P2RY8: variants seen among roughly 807,000 people sequenced by gnomAD.
P2RY8 encodes S-geranylgeranyl-glutathione receptor P2RY8.
In P2RY8, 6 loss-of-function variants were observed where a neutral mutation model predicts 10.0. The observed-to-expected ratio is 0.60, with a 90% CI of 0.33 to 1.19. The LOEUF (loss-of-function observed/expected upper bound fraction) is 1.19, where lower values mean the gene tolerates loss of function less well. Among genes scored for constraint, P2RY8 ranks in the 50% most tolerant of loss-of-function variants. The pLI, the probability that P2RY8 is intolerant of heterozygous loss-of-function variation, is 0.04. For synonymous variants in P2RY8, 276 were observed against 252.5 expected, an observed-to-expected ratio of 1.09 and a Z score of -0.88; for missense variants, 456 against 542.0, an observed-to-expected ratio of 0.84 and a Z score of 1.58.
At chrX:1,499,913 C>T (rs1210923905) in intron 1 of P2RY8, among the ~76,000 whole-genome samples, 2 of 151,640 alleles carry the variant, frequency 1.3e-5, no homozygotes, top group Non-Finnish European at 2.9e-5. Context: ...GGCTGGAGTG[C>T]AGTGGTGTGA....
chrX:1,488,360 G>A (rs1163280135), intron 1 of P2RY8, among the ~76,000 whole-genome samples: 5 of 152,186 alleles, frequency 3.3e-5, no homozygotes, highest in African/African-American at 1.2e-4. Context: ...CACAGATGAT[G>A]TGCTTATGCC....
chrX:1,475,307 A>G (rs1267561095), intron 1 of P2RY8, among the ~76,000 whole-genome samples: 1 of 151,788 alleles, frequency 6.6e-6, no homozygotes, highest in Non-Finnish European at 1.5e-5. Flanking sequence ...AGATGGGTGG[A>G]TGGATGAATA....
intron 1 of P2RY8, among the ~76,000 whole-genome samples, chrX:1,536,261 T>G (rs1247534002): frequency 2.6e-5 from 4 of 151,466 alleles, no homozygotes; most frequent in Non-Finnish European, 2.9e-5. Context: ...GAATGAGTTT[T>G]TTTTTGTTTT....
intron 1 of P2RY8, among the ~76,000 whole-genome samples, chrX:1,535,830 G>A (rs1422235114): frequency 2.0e-5 from 3 of 151,908 alleles, no homozygotes; most frequent in African/African-American, 7.3e-5. Context: ...GCCACAGCAG[G>A]CCTTGTTGTG....
rs2092469277 is a variant in P2RY8, at chrX:1,530,795, CTA to C, written c.-25+6124_-25+6125del. On this transcript the variant is annotated intron_variant, in intron 1 of 1. Transcript: ENST00000381297. ...TAATTTACGTATGTATCTTTTCTAT[CTA>C]TCTCTATTATCTATATATCTATCTG... Among the ~76,000 whole-genome samples the C allele has an allele frequency of 2.0e-5, 3 of 151,326 alleles. No individual in the cohort carries two copies. In the South Asian group the frequency reaches 6.4e-4, roughly 32 times the overall value.
chrX:1,500,967 C>T (rs1371467584), intron 1 of P2RY8, among the ~76,000 whole-genome samples: 3 of 152,178 alleles, frequency 2.0e-5, no homozygotes, highest in Non-Finnish European at 4.4e-5. Context: ...TTTTCCAGGC[C>T]AAGCAGCTGG....
At chrX:1,470,511 C>T (rs1343483516) in intron 1 of P2RY8, among the ~76,000 whole-genome samples, 1 of 152,048 alleles carries the variant, frequency 6.6e-6, no homozygotes, top group South Asian at 2.1e-4. Context: ...AAAAGCAAAA[C>T]TCCATCTCAA....
In P2RY8 at chrX:1,465,192, T is replaced by C; in HGVS notation, c.*287A>G. The C allele has an allele frequency of 2.0e-6, 1 of 500,614 alleles. No homozygotes were observed. Among genetic ancestry groups the C allele is most frequent in the Non-Finnish European group, 3.5e-6 (1 of 286,098 alleles). 31.0% of individuals were successfully genotyped at this position (500,614 alleles called of 1,614,324 possible). On this transcript the variant is annotated 3_prime_UTR_variant, in exon 2 of 2. Transcript: ENST00000381297. ...TAGCCGGGCGTGGTGACACAAGCTG[T>C]CCCCTGACACAGAGAGGCAGAGGCA... is the stretch of plus-strand genomic sequence containing the variant.
At chrX:1,531,839 A>G (rs1468780308) in intron 1 of P2RY8, among the ~76,000 whole-genome samples, 1 of 152,210 alleles carries the variant, frequency 6.6e-6, no homozygotes, top group Non-Finnish European at 1.5e-5. Context: ...AGGGAAATGC[A>G]AATCAAAAGC....
chrX:1,467,316 A>G (rs1449169062), intron 1 of P2RY8, among the ~76,000 whole-genome samples: 1 of 151,906 alleles, frequency 6.6e-6, no homozygotes, highest in Admixed American at 6.6e-5. Context: ...CTTCTTACCA[A>G]CTGCTCTACA....
chrX:1,471,084 G>A (rs1254146249), intron 1 of P2RY8, among the ~76,000 whole-genome samples: 1 of 149,882 alleles, frequency 6.7e-6, no homozygotes, highest in Non-Finnish European at 1.5e-5. Flanking sequence ...CTCGGCTCTC[G>A]GCAACCTCCG....
At chrX:1,474,097 G>T (rs111771229) in intron 1 of P2RY8, among the ~76,000 whole-genome samples, 1 of 110,424 alleles carries the variant, frequency 9.1e-6, no homozygotes, top group Non-Finnish European at 1.9e-5. Flanking sequence ...TGGATGTATG[G>T]ATCAGTGTTT....
At chrX:1,503,316 A>C (rs1345387978) in intron 1 of P2RY8, among the ~76,000 whole-genome samples, 1 of 152,016 alleles carries the variant, frequency 6.6e-6, no homozygotes, top group African/African-American at 2.4e-5. Context: ...CTGTTGTCGA[A>C]CTCCCCAGTT....
In P2RY8 at chrX:1,485,447, A is replaced by G. The variant is rs28650297; in HGVS notation, c.-24-18865T>C. 9.7e-3 allele frequency among the ~76,000 whole-genome samples: 1,481 copies of G among 152,126 alleles called. 18 individuals are homozygous for G. Among genetic ancestry groups the G allele is most frequent in the African/African-American group, 0.034 (1,396 of 41,510 alleles). On this transcript the variant is annotated intron_variant, in intron 1 of 1. Coordinates refer to ENST00000381297, the MANE Select transcript of P2RY8 (RefSeq NM_178129.5). The stretch of plus-strand genomic sequence containing the variant: ...AGCCACTGCGCCCAGCCCCTTAATG[A>G]TGCCTTACTGTAAATTATGGGTAAA...
chrX:1,501,298 C>T (rs1458029122), intron 1 of P2RY8, among the ~76,000 whole-genome samples: 4 of 152,196 alleles, frequency 2.6e-5, no homozygotes, highest in African/African-American at 9.6e-5. Context: ...TGTGACGGTG[C>T]TTTGCAGACT....
intron 1 of P2RY8, among the ~76,000 whole-genome samples, chrX:1,493,444 A>AGGGAG: frequency 1.2e-5 from 1 of 83,106 alleles, no homozygotes; most frequent in African/African-American, 4.1e-5. Context: ...GGGAAGGAGG[A>AGGGAG]GGAAGGAGGA....
At chrX:1,487,683 G>A (rs1304026590) in intron 1 of P2RY8, among the ~76,000 whole-genome samples, 1 of 152,168 alleles carries the variant, frequency 6.6e-6, no homozygotes, top group Non-Finnish European at 1.5e-5. Flanking sequence ...CATACTGAGA[G>A]CTCCCCAAGG....
At chrX:1,508,833 C>T (rs1487197849) in intron 1 of P2RY8, among the ~76,000 whole-genome samples, 2 of 140,740 alleles carry the variant, frequency 1.4e-5, no homozygotes, top group African/African-American at 5.5e-5. Flanking sequence ...ATCCATCCAT[C>T]CATCCCTCCA....
At chrX:1,512,289 G>C (rs1348244687) in intron 1 of P2RY8, among the ~76,000 whole-genome samples, 3 of 152,274 alleles carry the variant, frequency 2.0e-5, no homozygotes, top group South Asian at 2.1e-4. Context: ...GCTCAAGCCT[G>C]TAATCCCAGC....
Sources: allele counts gnomAD v4.1 joint callset (sites outside exome capture counted in the v4.1 genomes callset), GRCh38; gene constraint gnomAD v4.1.1; transcripts MANE v1.5; gene names NCBI Gene and HGNC (gene_info 2026-07-23, HGNC 2026-07-21).